The following QRICH1 variants were observed in gnomAD, a reference collection of about 807,000 sequenced individuals.
QRICH1 encodes transcriptional regulator QRICH1.
Under a neutral mutation model 87.1 loss-of-function variants are expected in QRICH1, and 16 were observed. That is an observed-to-expected ratio of 0.18 (90% CI 0.12 to 0.28). The LOEUF (loss-of-function observed/expected upper bound fraction) is 0.28, where lower values mean the gene tolerates loss of function less well. Among genes scored for constraint, QRICH1 ranks in the 10% least tolerant of loss-of-function variants. QRICH1 has a pLI of 1.00. For missense variants in QRICH1, 647 were observed against 951.7 expected (o/e 0.68, Z 4.21); for synonymous variants, 367 against 368.4 (o/e 1.00, Z 0.05).
chr3:49,066,900 T>C (rs2093471836), intron 2 of QRICH1, among the ~76,000 whole-genome samples: 1 of 151,708 alleles, frequency 6.6e-6, no homozygotes, highest in African/African-American at 2.4e-5. Flanking sequence ...TACCCAGACG[T>C]GGTGGTGTGC....
rs191761171 is a variant in QRICH1, at chr3:49,032,097, C to A, written c.2138+86G>T. The A allele has an allele frequency of 4.4e-5, 50 of 1,123,788 alleles. No homozygotes were observed. In the East Asian group the frequency reaches 8.3e-4, roughly 19 times the overall value. The allele number at this position is 1,123,788 out of a possible 1,614,324, so 69.6% of individuals were successfully genotyped here. A position where few individuals can be genotyped will look rare whatever the true frequency, so the allele number is the denominator to read the frequency against. On this transcript the variant is annotated intron_variant, in intron 9 of 9. Transcript: ENST00000395443. The stretch of plus-strand genomic sequence containing the variant: ...TTTGGGACTAGAGAATGCCTCTCCC[C>A]TATGATAAGTGATCACACAAGTGAG...
intron 5 of QRICH1, among the ~76,000 whole-genome samples, chr3:49,044,756 G>C (rs2093329693): frequency 6.6e-6 from 1 of 152,072 alleles, no homozygotes; most frequent in Non-Finnish European, 1.5e-5. Context: ...GCATTATTTT[G>C]TGTTAGCAAA....
intron 2 of QRICH1, among the ~76,000 whole-genome samples, chr3:49,062,346 A>T: frequency 6.6e-6 from 1 of 151,144 alleles, no homozygotes. Context: ...GAAAAAAAAA[A>T]AAACAAGAAA....
chr3:49,069,109 T>A (rs1174242335), intron 2 of QRICH1, among the ~76,000 whole-genome samples: 17 of 125,344 alleles, frequency 1.4e-4, no homozygotes, highest in Non-Finnish European at 2.3e-4. Context: ...TTATTATTAT[T>A]TTTTTTTTTT....
At chr3:49,076,258 G>C (rs1186616838) in intron 2 of QRICH1, among the ~76,000 whole-genome samples, 1 of 152,220 alleles carries the variant, frequency 6.6e-6, no homozygotes, top group Non-Finnish European at 1.5e-5. Context: ...GTGTTGGTCA[G>C]CCTCGGAAAG....
chr3:49,088,021 G>A (rs1307156663), intron 1 of QRICH1, among the ~76,000 whole-genome samples: 1 of 149,610 alleles, frequency 6.7e-6, no homozygotes, highest in Admixed American at 6.7e-5. Flanking sequence ...GCACAATCTC[G>A]GCTCACTGCA....
At position 49,093,913 on chromosome 3, in the gene QRICH1, C is replaced by T. The variant is rs1037866850; in HGVS notation, c.-23G>A. 1 of 399,386 alleles carries T rather than the reference C, an allele frequency of 2.5e-6. No homozygotes were observed. The highest frequency in any genetic ancestry group is 3.6e-5 in the East Asian group (1 of 27,926). 24.7% of individuals were successfully genotyped at this position (399,386 alleles called of 1,614,324 possible). A position where few individuals can be genotyped will look rare whatever the true frequency, so the allele number is the denominator to read the frequency against. ...CCCCACCCGCACTGGAGCCCTCACCCGGCGACGTCACTGCCGCCGCCGCCG... is the reference window on the plus strand; with the variant it reads ...CCCCACCCGCACTGGAGCCCTCACCTGGCGACGTCACTGCCGCCGCCGCCG... On this transcript the variant is annotated splice_region_variant and 5_prime_UTR_variant, in exon 1 of 10. Coordinates refer to ENST00000395443, the MANE Select transcript of QRICH1 (RefSeq NM_198880.3).
chr3:49,052,722 C>CT (rs1283803136), intron 3 of QRICH1, among the ~76,000 whole-genome samples: 2 of 151,992 alleles, frequency 1.3e-5, no homozygotes, highest in African/African-American at 2.4e-5. Context: ...CCAGGCTGGT[C>CT]TTTAACTCCT....
intron 2 of QRICH1, among the ~76,000 whole-genome samples, chr3:49,071,121 G>A (rs574758296): frequency 6.6e-6 from 1 of 151,534 alleles, no homozygotes; most frequent in South Asian, 2.1e-4. Flanking sequence ...CTGGAGTGCA[G>A]TGGTGTGACC....
chr3:49,051,552 A>C (rs1223753539), intron 3 of QRICH1, among the ~76,000 whole-genome samples: 4 of 141,426 alleles, frequency 2.8e-5, no homozygotes, highest in Non-Finnish European at 3.0e-5. Context: ...CAAAGTGACC[A>C]CTATGTACCT....
At chr3:49,069,778 C>T (rs1165977961) in intron 2 of QRICH1, among the ~76,000 whole-genome samples, 1 of 151,916 alleles carries the variant, frequency 6.6e-6, no homozygotes, top group Non-Finnish European at 1.5e-5. Flanking sequence ...CTGCACCCAG[C>T]CTATGATTCT....
At chr3:49,090,407 C>G (rs758830071) in intron 1 of QRICH1, among the ~76,000 whole-genome samples, 1 of 146,366 alleles carries the variant, frequency 6.8e-6, no homozygotes, top group African/African-American at 2.5e-5. Context: ...TGCAGTGAGC[C>G]GAGATCGTGC....
At chr3:49,084,811 A>G (rs1171571159) in intron 1 of QRICH1, among the ~76,000 whole-genome samples, 2 of 152,126 alleles carry the variant, frequency 1.3e-5, no homozygotes, top group Non-Finnish European at 2.9e-5. Flanking sequence ...TAGATGATGG[A>G]ACCACAGAGT....
chr3:49,074,611 T>C (rs992427214), intron 2 of QRICH1, among the ~76,000 whole-genome samples: 21 of 151,320 alleles, frequency 1.4e-4, no homozygotes, highest in Middle Eastern at 3.4e-3. Flanking sequence ...GCCTCAGTCA[T>C]ATGAAGCTAT....
intron 1 of QRICH1, among the ~76,000 whole-genome samples, chr3:49,092,755 G>T (rs953854855): frequency 1.5e-4 from 23 of 152,098 alleles, no homozygotes; most frequent in Non-Finnish European, 2.4e-4. Flanking sequence ...AGCTGAAAAG[G>T]ACTGAAATCC....
Position 49,069,432 on chromosome 3 carries a change from T to C in QRICH1, c.309+7277A>G, listed in dbSNP as rs150813088. Among the ~76,000 whole-genome samples, 196 of 152,084 alleles carry C rather than the reference T, an allele frequency of 1.3e-3. 1 individual carries two copies. The Middle Eastern group carries it at 0.017, about 13-fold the overall frequency. The stretch of plus-strand genomic sequence containing the variant: ...TTATTTTTTACAGAAAAAAAGGACG[T>C]TTCCTCCAATTACACTTATAACTTG... On this transcript the variant is annotated intron_variant, in intron 2 of 9. Transcript: ENST00000395443.
At position 49,030,401 on chromosome 3, in the gene QRICH1, GTC is replaced by G; in HGVS notation, c.*49_*50del. The G allele has an allele frequency of 6.4e-7, 1 of 1,559,766 alleles. No individual in the cohort carries two copies. The highest frequency in any genetic ancestry group is 1.1e-5 in the South Asian group (1 of 87,314). On this transcript the variant is annotated 3_prime_UTR_variant, in exon 10 of 10. Transcript: ENST00000395443. ...TGGAGGCCTCTTCTTTAGTGTGAAA[GTC>G]TGTCTGGTTTTTCCTGGCTGGTTTC...
intron 1 of QRICH1, among the ~76,000 whole-genome samples, chr3:49,092,049 G>A (rs1478345639): frequency 2.0e-5 from 3 of 151,474 alleles, no homozygotes; most frequent in Non-Finnish European, 2.9e-5. Flanking sequence ...TCCAGCCTGG[G>A]TGACAGAGTG....
Position 49,091,817 on chromosome 3 carries a change from A to C in QRICH1, c.-22+2095T>G, listed in dbSNP as rs892411189. Among the ~76,000 whole-genome samples the C allele has an allele frequency of 4.6e-5, 7 of 152,330 alleles. 1 individual carries two copies. Among genetic ancestry groups the C allele is most frequent in the Admixed American group, 4.6e-4 (7 of 15,292 alleles). ...TCGGGCGCGGTGGCTCACGCCTGTAATCCCAGCACTTTGGGAGGCCGAGGG... is the reference window on the plus strand; with the variant it reads ...TCGGGCGCGGTGGCTCACGCCTGTACTCCCAGCACTTTGGGAGGCCGAGGG... On this transcript the variant is annotated intron_variant, in intron 1 of 9. Transcript: ENST00000395443.
Sources: gnomAD v4.1 joint callset for allele counts (sites outside exome capture counted in the v4.1 genomes callset) on GRCh38, gnomAD v4.1.1 for gene constraint, MANE v1.5 for transcripts, NCBI Gene and HGNC (gene_info 2026-07-23, HGNC 2026-07-21) for gene names.